PCDH11X: variants seen among roughly 807,000 people sequenced by gnomAD.
The protein encoded by PCDH11X is protocadherin-11 X-linked.
In PCDH11X, 18 loss-of-function variants were observed where a neutral mutation model predicts 53.3. That is an observed-to-expected ratio of 0.34 (90% CI 0.23 to 0.50). The LOEUF (loss-of-function observed/expected upper bound fraction) is 0.50. PCDH11X is among the 20% of genes least tolerant of loss of function. The pLI is 0.98. For missense variants in PCDH11X, 570 were observed against 1,032.4 expected (o/e 0.55, Z 6.14); for synonymous variants, 279 against 393.3 (o/e 0.71, Z 3.44).
chrX:92,406,331 CTT>C (rs1345681342), intron 9 of PCDH11X, among the ~76,000 whole-genome samples: 3 of 106,199 alleles, frequency 2.8e-5, no homozygotes, highest in Non-Finnish European at 5.7e-5. Flanking sequence ...ATTCTAATGA[CTT>C]TGATGGACCA....
chrX:92,495,732 A>AGG (rs2073849632), intron 10 of PCDH11X, among the ~76,000 whole-genome samples: 1 of 107,440 alleles, frequency 9.3e-6, no homozygotes, highest in East Asian at 2.9e-4. Context: ...ATCATGGTGG[A>AGG]AGGCAAAAGG....
chrX:92,384,717 T>G (rs745352018), intron 8 of PCDH11X, among the ~76,000 whole-genome samples: 31 of 105,107 alleles, frequency 2.9e-4, no homozygotes, highest in African/African-American at 1.1e-3. Flanking sequence ...TCGATCTGGG[T>G]GGTGCCAGCT....
intron 6 of PCDH11X, among the ~76,000 whole-genome samples, chrX:92,002,798 G>T (rs1326307459): frequency 4.6e-5 from 5 of 108,388 alleles, no homozygotes; most frequent in African/African-American, 6.7e-5. Context: ...TTGTGGAGTT[G>T]TTAGGTTTTT....
At chrX:91,863,925 C>CT (rs1234413900) in intron 5 of PCDH11X, among the ~76,000 whole-genome samples, 1 of 111,808 alleles carries the variant, frequency 8.9e-6, no homozygotes, top group Admixed American at 9.5e-5. Context: ...AGCTTTTTAA[C>CT]TTTTTGTTGC....
At chrX:91,932,021 G>T (rs1043484531) in intron 6 of PCDH11X, among the ~76,000 whole-genome samples, 3 of 110,536 alleles carry the variant, frequency 2.7e-5, no homozygotes, top group African/African-American at 6.6e-5. Flanking sequence ...GTTGTTCCCC[G>T]CTCCATGTAT....
At chrX:92,423,810 G>T in intron 9 of PCDH11X, among the ~76,000 whole-genome samples, 1 of 97,088 alleles carries the variant, frequency 1.0e-5, no homozygotes, top group African/African-American at 3.3e-5. Context: ...AAGTATTTGG[G>T]TTTATTTCTG....
chrX:92,276,530 T>G (rs371645156), intron 8 of PCDH11X, among the ~76,000 whole-genome samples: 2 of 110,486 alleles, frequency 1.8e-5, no homozygotes, highest in African/African-American at 3.3e-5. Flanking sequence ...AGCAAGCTCC[T>G]GGGGGAGGAG....
In PCDH11X at chrX:91,859,733, GT is replaced by G. The variant is rs60762954; in HGVS notation, c.541-17036del. On this transcript the variant is annotated intron_variant, in intron 5 of 10. Transcript: ENST00000682573. Reference sequence around the variant, plus strand: ...AAAAGGAACCCTTTCCCCATTGCTTGTTTTTTTTTTTTCAGGTTTGTCAAAG... The same window carrying G: ...AAAAGGAACCCTTTCCCCATTGCTTGTTTTTTTTTTTCAGGTTTGTCAAAG... Among the ~76,000 whole-genome samples the G allele has an allele frequency of 4.7e-3, 464 of 98,647 alleles. 3 individuals are homozygous for G. Among genetic ancestry groups the G allele is most frequent in the African/African-American group, 0.016 (425 of 27,220 alleles). The allele number at this position is 98,647 out of a possible 115,157, so 85.7% of individuals were successfully genotyped here. A position where few individuals can be genotyped will look rare whatever the true frequency, so the allele number is the denominator to read the frequency against.
intron 6 of PCDH11X, chrX:91,883,370 G>C (rs1438210901): frequency 1.3e-6 from 1 of 744,299 alleles, no homozygotes; most frequent in East Asian, 1.5e-4. Flanking sequence ...ACTACTCTCT[G>C]AAAGGTATCC....
chrX:92,565,982 G>T (rs1419818401), intron 10 of PCDH11X, among the ~76,000 whole-genome samples: 1 of 109,338 alleles, frequency 9.1e-6, no homozygotes, highest in East Asian at 2.9e-4. Flanking sequence ...ACCAAGGGTG[G>T]ATATAAATTT....
At chrX:92,537,345 A>G (rs2074679362) in intron 10 of PCDH11X, among the ~76,000 whole-genome samples, 1 of 109,646 alleles carries the variant, frequency 9.1e-6, no homozygotes, top group East Asian at 2.9e-4. Flanking sequence ...ATAAAATCTA[A>G]TAAAGGACAT....
intron 10 of PCDH11X, among the ~76,000 whole-genome samples, chrX:92,493,869 A>G (rs1259593895): frequency 7.4e-5 from 8 of 108,030 alleles, no homozygotes; most frequent in African/African-American, 2.7e-4. Flanking sequence ...CTGGTCTCAA[A>G]CTCCTGAGCT....
intron 6 of PCDH11X, among the ~76,000 whole-genome samples, chrX:91,889,973 C>T (rs1940401031): frequency 1.8e-5 from 2 of 109,290 alleles, no homozygotes; most frequent in Non-Finnish European, 3.8e-5. Flanking sequence ...TGTATAAAGA[C>T]ATACACTTAT....
At chrX:91,998,764 C>G (rs1234047014) in intron 6 of PCDH11X, among the ~76,000 whole-genome samples, 1 of 110,770 alleles carries the variant, frequency 9.0e-6, no homozygotes, top group Non-Finnish European at 1.9e-5. Flanking sequence ...ATTATAAGCT[C>G]CTATAAGGTG....
chrX:92,304,281 G>A (rs1428198617), intron 8 of PCDH11X, among the ~76,000 whole-genome samples: 2 of 110,358 alleles, frequency 1.8e-5, no homozygotes, highest in East Asian at 5.7e-4. Flanking sequence ...TGCCTTTGAT[G>A]TAAGATATAA....
intron 6 of PCDH11X, among the ~76,000 whole-genome samples, chrX:92,198,787 T>C (rs2066341361): frequency 9.0e-6 from 1 of 111,477 alleles, no homozygotes; most frequent in South Asian, 3.7e-4. Context: ...TTTATTATTG[T>C]GTATATTTTG....
chrX:92,367,780 T>G (rs2070510875), intron 8 of PCDH11X, among the ~76,000 whole-genome samples: 1 of 111,859 alleles, frequency 8.9e-6, no homozygotes, highest in Admixed American at 9.5e-5. Context: ...GATATGAAAT[T>G]CTGCATTGAA....
At chrX:92,081,021 G>A (rs73539443) in intron 6 of PCDH11X, among the ~76,000 whole-genome samples, 6 of 110,125 alleles carry the variant, frequency 5.4e-5, no homozygotes, top group Non-Finnish European at 9.5e-5. Context: ...AAGTCAGACC[G>A]ATCATGCACC....
At chrX:92,102,085 G>A (rs1409383467) in intron 6 of PCDH11X, among the ~76,000 whole-genome samples, 23 of 109,859 alleles carry the variant, frequency 2.1e-4, no homozygotes, top group African/African-American at 6.0e-4. Flanking sequence ...AGATACAATC[G>A]TGGGGGTCAG....
Sources: allele counts gnomAD v4.1 joint callset (sites outside exome capture counted in the v4.1 genomes callset), GRCh38; gene constraint gnomAD v4.1.1; transcripts MANE v1.5; gene names NCBI Gene and HGNC (gene_info 2026-07-23, HGNC 2026-07-21).